The following AGBL1 variants were observed in gnomAD, a reference collection of about 807,000 sequenced individuals.
AGBL1 encodes the protein cytosolic carboxypeptidase 4.
In AGBL1, 130 loss-of-function variants were observed where a neutral mutation model predicts 118.9. That is an observed-to-expected ratio of 1.09 (90% CI 0.95 to 1.26). AGBL1 has a LOEUF of 1.26. AGBL1 is among the 50% of genes most tolerant of loss of function. The probability of loss-of-function intolerance (pLI) is 0.00; values close to 1 mark genes in which losing one functional copy is unlikely to be tolerated. For synonymous variants in AGBL1, 555 were observed against 478.9 expected, an observed-to-expected ratio of 1.16 and a Z score of -2.08; for missense variants, 1,584 against 1,298.1, an observed-to-expected ratio of 1.22 and a Z score of -3.38.
downstream of AGBL1, among the ~76,000 whole-genome samples, chr15:87,030,605 T>C (rs1341222844): frequency 1.3e-5 from 2 of 151,982 alleles, no homozygotes; most frequent in African/African-American, 4.8e-5. Flanking sequence ...TCATTGCAAG[T>C]AAGCCCAGCA....
rs536814807 is a variant in AGBL1 at position 86,668,101 on chromosome 15, G to T, written c.2995-6172G>T. Among the ~76,000 whole-genome samples, 14 of 152,170 alleles carry T rather than the reference G, an allele frequency of 9.2e-5. No individual in the cohort carries two copies. The South Asian group carries it at 2.9e-3, about 32-fold the overall frequency. On this transcript the variant is annotated intron_variant, in intron 21 of 22. Coordinates refer to ENST00000614907, the MANE Select transcript of AGBL1 (RefSeq NM_001386094.1). ...TCTTGCCTGAACTAACAATTCACTCGTTCCCATGGGGAGGGCACCAAGCCA... is the reference window on the plus strand; with the variant it reads ...TCTTGCCTGAACTAACAATTCACTCTTTCCCATGGGGAGGGCACCAAGCCA...
At chr15:86,718,880 A>T (rs149170680) in intron 22 of AGBL1, among the ~76,000 whole-genome samples, 1 of 152,192 alleles carries the variant, frequency 6.6e-6, no homozygotes, top group Non-Finnish European at 1.5e-5. Flanking sequence ...AACTATTAAT[A>T]TTAGTCCTAT....
chr15:86,982,024 C>A (rs1334098403), intron 23 of AGBL1, among the ~76,000 whole-genome samples: 1 of 152,086 alleles, frequency 6.6e-6, no homozygotes, highest in Non-Finnish European at 1.5e-5. Context: ...GTAAGGATAT[C>A]ATGAACACTC....
At chr15:86,355,029 C>T (rs568541381) in intron 17 of AGBL1, among the ~76,000 whole-genome samples, 1 of 152,312 alleles carries the variant, frequency 6.6e-6, no homozygotes, top group South Asian at 2.1e-4. Context: ...TTCAGCTCTA[C>T]AGCAAAAAGA....
intron 22 of AGBL1, among the ~76,000 whole-genome samples, chr15:86,843,600 A>G (rs2079277200): frequency 6.6e-6 from 1 of 152,132 alleles, no homozygotes. Context: ...GCAGGGAAAT[A>G]AGGCAACGCC....
rs1454188071 is a variant in AGBL1, at chr15:86,457,781, A to G, written c.2555+60235A>G. Reference sequence around the variant, plus strand: ...ATTATCCACTTTGACAAAGTTAAAGATAAAGGTTAATAATCTACCAGCAAA... The same window carrying G: ...ATTATCCACTTTGACAAAGTTAAAGGTAAAGGTTAATAATCTACCAGCAAA... On this transcript the variant is annotated intron_variant, in intron 18 of 22. Transcript: ENST00000614907. Among the ~76,000 whole-genome samples the G allele has an allele frequency of 3.3e-5, 5 of 152,144 alleles. No homozygotes were observed. In the South Asian group the frequency reaches 1.0e-3, roughly 31 times the overall value.
intron 21 of AGBL1, among the ~76,000 whole-genome samples, chr15:86,639,478 A>G (rs976205296): frequency 6.6e-6 from 1 of 152,156 alleles, no homozygotes; most frequent in African/African-American, 2.4e-5. Context: ...GTGGACTCAA[A>G]TTATTTACTA....
At position 86,613,241 on chromosome 15, in the gene AGBL1, G is replaced by C. The variant is rs371768565; in HGVS notation, c.2994+58704G>C. Among the ~76,000 whole-genome samples the C allele has an allele frequency of 6.6e-6, 1 of 152,200 alleles. No individual in the cohort carries two copies. Among genetic ancestry groups the C allele is most frequent in the Admixed American group, 6.5e-5 (1 of 15,276 alleles). On this transcript the variant is annotated intron_variant, in intron 21 of 22. Coordinates refer to ENST00000614907, the MANE Select transcript of AGBL1 (RefSeq NM_001386094.1). The surrounding 1 kb of genome is among the most constrained non-coding windows in gnomAD (Gnocchi z 4.2). ...AACAAATTAAAGCAGGAATCGGAGC[G>C]AGAGGTTTGTTGGTTTTGGAACGTA...
rs571358398 is a variant in AGBL1 at position 86,995,489 on chromosome 15, A to T, written c.3323+7401A>T. 2.6e-5 allele frequency among the ~76,000 whole-genome samples: 4 copies of T among 152,316 alleles called. No homozygotes were observed. The East Asian group carries it at 7.7e-4, about 29-fold the overall frequency. On this transcript the variant is annotated intron_variant, in intron 24 of 24. Coordinates refer to the AGBL1 transcript ENST00000441037. ...CCACAGCTCTCAATCAAATAGATAC[A>T]ATTCTATGCCAGTGAAACTTCTGGG...
At chr15:86,128,767 G>A (rs2076780860) in intron 1 of AGBL1, among the ~76,000 whole-genome samples, 1 of 152,108 alleles carries the variant, frequency 6.6e-6, no homozygotes, top group Non-Finnish European at 1.5e-5. Flanking sequence ...CTGTACTTAT[G>A]TAGCAGAATG....
chr15:86,742,492 G>A (rs1019979553), intron 22 of AGBL1, among the ~76,000 whole-genome samples: 1 of 152,048 alleles, frequency 6.6e-6, no homozygotes, highest in Admixed American at 6.6e-5. Context: ...TTGTTCCCAT[G>A]GGCTTGAAGT....
Position 86,106,243 on chromosome 15 carries a change from C to A in AGBL1, c.51+26220C>A, listed in dbSNP as rs143760951. The stretch of plus-strand genomic sequence containing the variant: ...GCTTGGTCTTTGTAAGATGTGATCC[C>A]TAGAATTCCTTTCAGGAATGCTAAA... On this transcript the variant is annotated intron_variant, in intron 1 of 22. Transcript: ENST00000614907. 3.4e-3 allele frequency among the ~76,000 whole-genome samples: 517 copies of A among 152,266 alleles called. 21 individuals are homozygous for A. In the South Asian group the frequency reaches 0.08, roughly 24 times the overall value.
At chr15:86,881,885 C>T (rs771420972) in intron 22 of AGBL1, among the ~76,000 whole-genome samples, 1 of 152,140 alleles carries the variant, frequency 6.6e-6, no homozygotes, top group African/African-American at 2.4e-5. Context: ...CATGAGAACT[C>T]ACTCACTAGG....
chr15:86,341,041 C>T (rs1172722139), intron 17 of AGBL1, among the ~76,000 whole-genome samples: 1 of 152,148 alleles, frequency 6.6e-6, no homozygotes, highest in African/African-American at 2.4e-5. Context: ...CTCATTACTG[C>T]TGGGGTAGGA....
At position 86,812,720 on chromosome 15, in the gene AGBL1, C is replaced by T. The variant is rs2078807061; in HGVS notation, c.3159-94367C>T. On this transcript the variant is annotated intron_variant, in intron 22 of 22. Transcript: ENST00000614907. Reference sequence around the variant, plus strand: ...CCCACCGCACAGCCATGCCTCCATGCACTGCTGGAAATGCACAGCATGCAG... The same window carrying T: ...CCCACCGCACAGCCATGCCTCCATGTACTGCTGGAAATGCACAGCATGCAG... Among the ~76,000 whole-genome samples the T allele has an allele frequency of 2.0e-5, 3 of 152,152 alleles. No individual in the cohort carries two copies. In the South Asian group the frequency reaches 6.2e-4, roughly 31 times the overall value.
At chr15:86,213,960 C>T (rs960287491) in intron 5 of AGBL1, among the ~76,000 whole-genome samples, 1 of 152,114 alleles carries the variant, frequency 6.6e-6, no homozygotes, top group African/African-American at 2.4e-5. Context: ...GATCTACTTT[C>T]TGTCTCTATT....
intron 22 of AGBL1, among the ~76,000 whole-genome samples, chr15:86,705,705 G>T (rs1021179756): frequency 2.6e-5 from 4 of 152,168 alleles, no homozygotes; most frequent in African/African-American, 9.7e-5. Context: ...GTTGGCAACA[G>T]GAAGCATAAG....
chr15:86,268,605 A>G (rs2079109189), intron 13 of AGBL1, among the ~76,000 whole-genome samples: 2 of 152,358 alleles, frequency 1.3e-5, no homozygotes, highest in Admixed American at 1.3e-4. Context: ...CTTATGGGTA[A>G]GGAATTTTTT....
intron 22 of AGBL1, among the ~76,000 whole-genome samples, chr15:86,683,866 G>A (rs1245682259): frequency 6.6e-6 from 1 of 152,148 alleles, no homozygotes. Context: ...GGCATGGGTG[G>A]TCTAAGTTAA....
Sources: gnomAD v4.1 joint callset for allele counts (sites outside exome capture counted in the v4.1 genomes callset) on GRCh38, gnomAD v4.1.1 for gene constraint, Gnocchi (gnomAD v3.1) non-coding constraint, MANE v1.5 for transcripts, NCBI Gene and HGNC (gene_info 2026-07-23, HGNC 2026-07-21) for gene names.